Variants in KIR2DL1 observed in about 807,000 individuals in gnomAD.
KIR2DL1 encodes killer cell immunoglobulin-like receptor 2DL1.
Under a neutral mutation model 33.9 loss-of-function variants are expected in KIR2DL1, and 38 were observed. That is an observed-to-expected ratio of 1.12 (90% CI 0.86 to 1.47). The LOEUF (loss-of-function observed/expected upper bound fraction) is 1.47, where lower values mean the gene tolerates loss of function less well. Ranked by LOEUF, KIR2DL1 falls within the 40% of genes most tolerant of loss-of-function variation. KIR2DL1 has a pLI of 0.00. For missense variants in KIR2DL1, 531 were observed against 433.9 expected, an observed-to-expected ratio of 1.22 and a Z score of -1.99; for synonymous variants, 179 against 165.9, an observed-to-expected ratio of 1.08 and a Z score of -0.61.
At chr19:54,775,581 G>T (rs1389404369) in intron 4 of KIR2DL1, 123 bp downstream of exon 4, 3 of 1,291,334 alleles carry the variant, frequency 2.3e-6, no homozygotes, top group Non-Finnish European at 3.2e-6. Context: ...CGGTGTGAGG[G>T]AGGGATCAGG....
At position 54,773,669 on chromosome 19, in the gene KIR2DL1, G is replaced by C. The variant is rs751184962; in HGVS notation, c.370+37G>C. ...CAGACTTTCTTCTCATTGTCATTGG[G>C]ATGCAGAGTGAATGATCCAGGAATT... On this transcript the variant is annotated intron_variant, in intron 3 of 7. Transcript: ENST00000336077. 5.9e-6 allele frequency: 9 copies of C among 1,535,600 alleles called. 1 individual carries two copies. In the South Asian group the frequency reaches 1.0e-4, roughly 17 times the overall value.
At chr19:54,779,670 TC>T (rs1569221300) in intron 5 of KIR2DL1, among the ~76,000 whole-genome samples, 1 of 148,512 alleles carries the variant, frequency 6.7e-6, no homozygotes, top group Non-Finnish European at 1.5e-5. Flanking sequence ...ATTCCTCCTT[TC>T]CATGTAAAAT....
intron 1 of KIR2DL1, among the ~76,000 whole-genome samples, chr19:54,770,169 G>GAA (rs2075500478): frequency 6.8e-6 from 1 of 146,246 alleles, no homozygotes; most frequent in Non-Finnish European, 1.5e-5. Flanking sequence ...GGAGATATGG[G>GAA]CCTGGAGGTG....
rs577757355 is a variant in KIR2DL1 at position 54,783,483 on chromosome 19, C to T, written c.818-3C>T. The T allele has an allele frequency of 5.9e-4, 953 of 1,613,288 alleles. 24 individuals are homozygous for T. The highest frequency in any genetic ancestry group is 2.3e-4 in the Non-Finnish European group (270 of 1,179,508). On this transcript the variant is annotated splice_polypyrimidine_tract_variant and splice_region_variant and intron_variant, in intron 6 of 7. Transcript: ENST00000336077. ...CTGTTTTGTTGACTTCCATCTTCTA[C>T]AGATGCTGCGGTAATGGACCAAGAG...
At position 54,773,441 on chromosome 19, in the gene KIR2DL1, T is replaced by A; in HGVS notation, c.179T>A (p.Leu60Gln). The A allele has an allele frequency of 6.3e-7, 1 of 1,589,900 alleles. No homozygotes were observed. The highest frequency in any genetic ancestry group is 8.6e-7 in the Non-Finnish European group (1 of 1,161,358). ...WSDVMFEHFLLHREGMFNDTL... is the reference protein window; with the variant it reads ...WSDVMFEHFLQHREGMFNDTL... ...GATGTCATGTTTGAACACTTCCTTC[T>A]GCACAGAGAGGGGATGTTTAACGAC... The change falls in exon 3 of 8, where the codon CTG becomes CAG. Residue 60 changes from leucine (L) to glutamine (Q), a missense_variant. Physicochemically the swap from Leu to Gln is moderately radical, Grantham distance 113 (BLOSUM62 -2). Transcript: ENST00000336077.
intron 2 of KIR2DL1, among the ~76,000 whole-genome samples, chr19:54,772,406 C>A (rs2075838257): frequency 6.8e-6 from 1 of 146,238 alleles, no homozygotes; most frequent in Non-Finnish European, 1.5e-5. Flanking sequence ...TGATTTTACC[C>A]ACGACAAACA....
chr19:54,770,987 A>G, intron 2 of KIR2DL1, 103 bp downstream of exon 2: 3 of 1,485,976 alleles, frequency 2.0e-6, no homozygotes, highest in Non-Finnish European at 1.9e-6. Flanking sequence ...AACTAGGAAG[A>G]AGGGACCCTG....
chr19:54,783,091 G>A (rs1240404131), intron 6 of KIR2DL1, 68 bp downstream of exon 6: 66 of 1,531,082 alleles, frequency 4.3e-5, no homozygotes, highest in Non-Finnish European at 4.4e-5. Flanking sequence ...GAGCACTCAG[G>A]TGTGTGTTCC....
intron 5 of KIR2DL1, 76 bp from the exon 6 acceptor site, chr19:54,782,846 A>G (rs541259596): frequency 2.6e-6 from 4 of 1,515,014 alleles, no homozygotes; most frequent in African/African-American, 1.4e-5. Flanking sequence ...GTTACCTGTC[A>G]ATCAAGAAAT....
In KIR2DL1 at chr19:54,775,178, A is replaced by T. The variant is rs2076171250; in HGVS notation, c.384A>T (p.Lys128Asn). 1 of 1,584,420 alleles carries T rather than the reference A, an allele frequency of 6.3e-7. No individual in the cohort carries two copies. The highest frequency in any genetic ancestry group is 8.6e-7 in the Non-Finnish European group (1 of 1,159,920). The change falls in exon 4 of 8, where the codon AAA (lysine) becomes AAT (asparagine). Residue 128 changes from lysine to asparagine, a missense_variant. By Grantham distance (94) the Lys-to-Asn change is moderately conservative (BLOSUM62 0). Transcript: ENST00000336077. ...LDIVIIGLYE[K>N]PSLSAQLGPT... is the part of the protein sequence containing the mutation. ...TTCTCCTTCCAGGTCTATATGAGAAACCTTCTCTCTCAGCCCAGCTGGGCC... is the reference window on the plus strand; with the variant it reads ...TTCTCCTTCCAGGTCTATATGAGAATCCTTCTCTCTCAGCCCAGCTGGGCC...
rs1333041007 is a variant in KIR2DL1, at chr19:54,773,604, C to T, written c.342C>T (p.Pro114=). Residue 114 remains proline, a synonymous_variant, in exon 3 of 8, where the codon CCC becomes CCT. Coordinates refer to ENST00000336077, the MANE Select transcript of KIR2DL1 (RefSeq NM_014218.3). ...VTHSPYQVSA[P]SDPLDIVIIG... Reference sequence around the variant, plus strand: ...ACTCCCCCTATCAGGTGTCAGCTCCCAGTGACCCTCTGGACATCGTGATCA... The same window carrying T: ...ACTCCCCCTATCAGGTGTCAGCTCCTAGTGACCCTCTGGACATCGTGATCA... 6.3e-7 allele frequency: 1 copy of T among 1,577,472 alleles called. No homozygotes were observed. The highest frequency in any genetic ancestry group is 2.3e-5 in the East Asian group (1 of 44,436).
Position 54,784,288 on chromosome 19 carries a change from G to C in KIR2DL1, c.*475G>C, listed in dbSNP as rs2077439306. On this transcript the variant is annotated 3_prime_UTR_variant, in exon 8 of 8. Coordinates refer to ENST00000336077, the MANE Select transcript of KIR2DL1 (RefSeq NM_014218.3). ...TATTTTTTAAAATAACTTCAATGTAGTTTTCCATCCTTCAAATAAACATGT... is the reference window on the plus strand; with the variant it reads ...TATTTTTTAAAATAACTTCAATGTACTTTTCCATCCTTCAAATAAACATGT... 2.5e-5 allele frequency: 6 copies of C among 244,526 alleles called. No homozygotes were observed. The South Asian group carries it at 2.5e-4, about 10-fold the overall frequency. 15.1% of individuals were successfully genotyped at this position (244,526 alleles called of 1,614,324 possible).
At chr19:54,774,884 TA>T (rs921422289) in intron 3 of KIR2DL1, among the ~76,000 whole-genome samples, 1 of 148,000 alleles carries the variant, frequency 6.8e-6, no homozygotes, top group Non-Finnish European at 1.5e-5. Flanking sequence ...AACTCAGAAT[TA>T]AAAAAAGTAA....
intron 4 of KIR2DL1, among the ~76,000 whole-genome samples, chr19:54,776,122 C>A (rs1429744774): frequency 2.1e-5 from 3 of 144,824 alleles, no homozygotes; most frequent in African/African-American, 5.1e-5. Flanking sequence ...GAACTCCTGA[C>A]CACGTGATCC....
intron 5 of KIR2DL1, among the ~76,000 whole-genome samples, 176 bp from the exon 6 acceptor site, chr19:54,782,746 A>T (rs1448886205): frequency 3.3e-5 from 5 of 151,954 alleles, no homozygotes; most frequent in Admixed American, 3.3e-4. Flanking sequence ...AGCACGTTCT[A>T]TGGTTACTAT....
In KIR2DL1 at chr19:54,778,389, A is replaced by T. The variant is rs918594578; in HGVS notation, c.665-223A>T. Among the ~76,000 whole-genome samples the T allele has an allele frequency of 4.7e-5, 7 of 148,892 alleles. 1 individual carries two copies. In the Admixed American group the frequency reaches 4.8e-4, roughly 10 times the overall value. The stretch of plus-strand genomic sequence containing the variant: ...ATTTTGCTTACTACAGCTCTGTAAC[A>T]TATTTTGAGATCAGGTAGTGTGATG... On this transcript the variant is annotated intron_variant, in intron 4 of 7. Coordinates refer to ENST00000336077, the MANE Select transcript of KIR2DL1 (RefSeq NM_014218.3).
chr19:54,775,925 T>A (rs901132161), intron 4 of KIR2DL1, among the ~76,000 whole-genome samples: 2 of 146,404 alleles, frequency 1.4e-5, no homozygotes, highest in Non-Finnish European at 3.1e-5. Context: ...GGAGTCTAGC[T>A]CTGTCCCCTA....
rs752470208 is a variant in KIR2DL1 at position 54,770,887 on chromosome 19, G to T, written c.70+3G>T. On this transcript the variant is annotated splice_donor_region_variant and intron_variant, in intron 2 of 7. Transcript: ENST00000336077. ...GCAGGGGGCCTGGCCACATGAGGGT[G>T]AGTCCTTCTCCCAACCTTCGGGTGT... The T allele has an allele frequency of 6.3e-7, 1 of 1,582,088 alleles. No homozygotes were observed. The highest frequency in any genetic ancestry group is 8.7e-7 in the Non-Finnish European group (1 of 1,155,856).
chr19:54,773,752 C>T, intron 3 of KIR2DL1, 120 bp downstream of exon 3: 1 of 1,125,226 alleles, frequency 8.9e-7, no homozygotes, highest in Non-Finnish European at 1.3e-6. Context: ...GAGAGACTGA[C>T]TTGGTGAGGT....
Sources: gnomAD v4.1 joint callset for allele counts (sites outside exome capture counted in the v4.1 genomes callset) on GRCh38, gnomAD v4.1.1 for gene constraint, MANE v1.5 for transcripts, NCBI Gene and HGNC (gene_info 2026-07-23, HGNC 2026-07-21) for gene names.